The following PPP1R12B variants were observed in gnomAD, a reference collection of about 807,000 sequenced individuals.
The protein encoded by PPP1R12B is myosin phosphatase target subunit 2.
Under a neutral mutation model 126.1 loss-of-function variants are expected in PPP1R12B, and 76 were observed. That is an observed-to-expected ratio of 0.60 (90% CI 0.50 to 0.73). PPP1R12B has a LOEUF of 0.73. Ranked by LOEUF, PPP1R12B falls within the 30% of genes least tolerant of loss-of-function variation. The pLI is 0.00. For missense variants in PPP1R12B, 1,052 were observed against 1,205.1 expected (o/e 0.87, Z 1.88); for synonymous variants, 356 against 434.7 (o/e 0.82, Z 2.25).
In PPP1R12B at chr1:202,430,770, T is replaced by G. The variant is rs765656171; in HGVS notation, c.961T>G (p.Ser321Ala). Residue 321 changes from serine to alanine, a missense_variant, in exon 7 of 24, where the codon TCA (serine) becomes GCA (alanine). Transcript: ENST00000608999. ...GGAGACACGGAATAAACTCATTGAG[T>G]CAGATCTGAACAGCAAGATTCAGAG... The part of the protein sequence containing the change: ...EKETRNKLIE[S>A]DLNSKIQSGF... 8 of 1,613,346 alleles carry G rather than the reference T, an allele frequency of 5.0e-6. No individual in the cohort carries two copies. Among genetic ancestry groups the G allele is most frequent in the Non-Finnish European group, 6.8e-6 (8 of 1,179,584 alleles).
intron 18 of PPP1R12B, among the ~76,000 whole-genome samples, chr1:202,532,303 C>T (rs763703715): frequency 3.9e-5 from 6 of 152,134 alleles, no homozygotes; most frequent in East Asian, 1.9e-4. Flanking sequence ...GCTTCTTTAT[C>T]GCAGCCTGTT....
In PPP1R12B at chr1:202,357,125, A is replaced by G. The variant is rs143635606; in HGVS notation, c.291+7983A>G. Reference sequence around the variant, plus strand: ...CCACTGGGGATTACAGTTGTGAGCCACTGCATCTGGCCATGATTCAGACTT... The same window carrying G: ...CCACTGGGGATTACAGTTGTGAGCCGCTGCATCTGGCCATGATTCAGACTT... On this transcript the variant is annotated intron_variant, in intron 1 of 23. Coordinates refer to ENST00000608999, the MANE Select transcript of PPP1R12B (RefSeq NM_002481.4). Among the ~76,000 whole-genome samples, 581 of 152,294 alleles carry G rather than the reference A, an allele frequency of 3.8e-3. 3 individuals are homozygous for G. Among genetic ancestry groups the G allele is most frequent in the Non-Finnish European group, 4.1e-3 (278 of 68,012 alleles).
At chr1:202,443,714 T>A (rs1671904194) in intron 12 of PPP1R12B, among the ~76,000 whole-genome samples, 1 of 152,228 alleles carries the variant, frequency 6.6e-6, no homozygotes, top group Admixed American at 6.5e-5. Flanking sequence ...TCATTATAGT[T>A]GAATCCAAGA....
Position 202,437,866 on chromosome 1 carries a change from T to C in PPP1R12B, c.1300T>C (p.Ser434Pro). The change falls in exon 10 of 24, where the codon TCT becomes CCT. Residue 434 changes from serine (S) to proline (P), a missense_variant. Transcript: ENST00000608999. ...FNKPEEPKDESPSSWRLGLRK... is the reference protein window; with the variant it reads ...FNKPEEPKDEPPSSWRLGLRK... ...CAAGCCAGAAGAGCCCAAAGATGAATCTCCTTCTTCATGGAGATTGGGACT... is the reference window on the plus strand; with the variant it reads ...CAAGCCAGAAGAGCCCAAAGATGAACCTCCTTCTTCATGGAGATTGGGACT... 6.2e-7 allele frequency: 1 copy of C among 1,613,910 alleles called. No individual in the cohort carries two copies. The highest frequency in any genetic ancestry group is 8.5e-7 in the Non-Finnish European group (1 of 1,179,820).
At chr1:202,566,099 T>C (rs1688022144) in intron 21 of PPP1R12B, among the ~76,000 whole-genome samples, 1 of 152,190 alleles carries the variant, frequency 6.6e-6, no homozygotes, top group South Asian at 2.1e-4. Context: ...TTTCACCTGC[T>C]CCCCACTCTT....
intron 1 of PPP1R12B, among the ~76,000 whole-genome samples, chr1:202,357,995 ATATT>A (rs1409720615): frequency 6.6e-6 from 1 of 152,150 alleles, no homozygotes; most frequent in African/African-American, 2.4e-5. Flanking sequence ...GGGGAGTACT[ATATT>A]TATCAGTATT....
At chr1:202,459,135 T>C (rs1161746147) in intron 13 of PPP1R12B, among the ~76,000 whole-genome samples, 2 of 152,348 alleles carry the variant, frequency 1.3e-5, no homozygotes, top group Non-Finnish European at 2.9e-5. Context: ...ACTACAGATA[T>C]GTTGCTAAAT....
chr1:202,462,247 T>C (rs1674401615), intron 13 of PPP1R12B, among the ~76,000 whole-genome samples: 1 of 152,168 alleles, frequency 6.6e-6, no homozygotes, highest in Non-Finnish European at 1.5e-5. Context: ...GAGGCCTAGA[T>C]GGTGTCTACT....
intron 1 of PPP1R12B, among the ~76,000 whole-genome samples, chr1:202,357,301 G>T (rs1171201906): frequency 6.6e-6 from 1 of 152,212 alleles, no homozygotes; most frequent in Non-Finnish European, 1.5e-5. Context: ...GGTAAATAAT[G>T]TAAAAGGAAA....
chr1:202,525,695 A>G (rs1032883894), intron 18 of PPP1R12B, among the ~76,000 whole-genome samples: 2 of 151,140 alleles, frequency 1.3e-5, no homozygotes, highest in Non-Finnish European at 3.0e-5. Context: ...GAGTCAAGAA[A>G]AGGATGTTTT....
chr1:202,572,620 C>G (rs1379210944), intron 23 of PPP1R12B, among the ~76,000 whole-genome samples: 2 of 152,160 alleles, frequency 1.3e-5, no homozygotes, highest in Non-Finnish European at 2.9e-5. Flanking sequence ...TGTGCCAGGC[C>G]TGCACCTGGT....
chr1:202,589,781 T>C lies in PPP1R12B; in HGVS notation c.*9221T>C, dbSNP rs2149055036. 6.6e-6 allele frequency: 1 copy of C among 152,324 alleles called. No individual in the cohort carries two copies. Among genetic ancestry groups the C allele is most frequent in the South Asian group, 2.1e-4 (1 of 4,816 alleles). 9.4% of individuals were successfully genotyped at this position (152,324 alleles called of 1,614,324 possible). A position where few individuals can be genotyped will look rare whatever the true frequency, so the allele number is the denominator to read the frequency against. On this transcript the variant is annotated 3_prime_UTR_variant, in exon 24 of 24. Coordinates refer to ENST00000608999, the MANE Select transcript of PPP1R12B (RefSeq NM_002481.4). ...TAGGGACTGAAGCAGCAAGACAGGA[T>C]AGATGTTAAAGGATCTGGGCTCATG... is the stretch of plus-strand genomic sequence containing the variant.
chr1:202,522,515 A>T (rs565307196), intron 18 of PPP1R12B, among the ~76,000 whole-genome samples: 50 of 152,216 alleles, frequency 3.3e-4, no homozygotes, highest in Admixed American at 9.2e-4. Context: ...TAATATTTTA[A>T]ATGCTTTCAC....
chr1:202,439,789 T>G, intron 10 of PPP1R12B: 1 of 449,584 alleles, frequency 2.2e-6, no homozygotes, highest in South Asian at 2.3e-5. Context: ...AGACCCACTT[T>G]CCTCCCCACT....
chr1:202,349,003 G>A lies in PPP1R12B; in HGVS notation c.152G>A (p.Ser51Asn). The A allele has an allele frequency of 1.2e-6, 2 of 1,608,044 alleles. No homozygotes were observed. Among genetic ancestry groups the A allele is most frequent in the Admixed American group, 3.4e-5 (2 of 58,526 alleles). ...AGRQPLTRRG[S>N]PRVRFEDGAV... ...CGGCAGCCGCTGACCAGGCGCGGGA[G>A]CCCCAGGGTCCGCTTCGAGGACGGT... The change falls in exon 1 of 24, where the codon AGC becomes AAC. Residue 51 changes from serine to asparagine, a missense_variant. Transcript: ENST00000608999.
At chr1:202,374,657 C>G (rs537712256) in intron 1 of PPP1R12B, among the ~76,000 whole-genome samples, 54 of 151,946 alleles carry the variant, frequency 3.6e-4, no homozygotes, top group Admixed American at 5.9e-4. Context: ...TGCCGCCACG[C>G]CCAGCTAATT....
At chr1:202,532,785 A>G (rs1163338989) in intron 18 of PPP1R12B, among the ~76,000 whole-genome samples, 1 of 151,742 alleles carries the variant, frequency 6.6e-6, no homozygotes, top group Non-Finnish European at 1.5e-5. Flanking sequence ...TTTTTTTTTT[A>G]AACACTGTTA....
At chr1:202,544,799 A>C (rs1395561106) in intron 18 of PPP1R12B, among the ~76,000 whole-genome samples, 1 of 152,258 alleles carries the variant, frequency 6.6e-6, no homozygotes, top group East Asian at 1.9e-4. Flanking sequence ...ACATTTAATC[A>C]ATTAGCTTTG....
chr1:202,406,944 C>T (rs1422825179), intron 1 of PPP1R12B, among the ~76,000 whole-genome samples: 5 of 152,128 alleles, frequency 3.3e-5, no homozygotes, highest in Admixed American at 3.3e-4. Context: ...ATTTATTGTT[C>T]CTCAAAATTA....
Sources: allele counts gnomAD v4.1 joint callset (sites outside exome capture counted in the v4.1 genomes callset), GRCh38; gene constraint gnomAD v4.1.1; transcripts MANE v1.5; gene names NCBI Gene and HGNC (gene_info 2026-07-23, HGNC 2026-07-21).